The following COP1 variants were observed in gnomAD, a reference collection of about 807,000 sequenced individuals.
COP1 encodes COP1 E3 ubiquitin ligase, also known as E3 ubiquitin-protein ligase COP1.
A neutral mutation model predicts 101.3 loss-of-function variants in COP1; 24 were observed. The ratio of observed to expected loss-of-function variants is 0.24; its 90% CI spans 0.17 to 0.33. The LOEUF (loss-of-function observed/expected upper bound fraction) is 0.33, where lower values mean the gene tolerates loss of function less well. Ranked by LOEUF, COP1 falls within the 10% of genes least tolerant of loss-of-function variation. COP1 has a pLI of 1.00. For synonymous variants in COP1, 347 were observed against 341.9 expected (o/e 1.01, Z -0.17); for missense variants, 663 against 906.2 (o/e 0.73, Z 3.45).
chr1:176,169,600 TAC>T (rs1695729869), intron 3 of COP1, among the ~76,000 whole-genome samples: 1 of 152,222 alleles, frequency 6.6e-6, no homozygotes, highest in African/African-American at 2.4e-5. Context: ...TATTAATATA[TAC>T]GTTTATTAAA....
chr1:176,110,480 T>C (rs988702249), intron 9 of COP1, among the ~76,000 whole-genome samples: 18 of 152,214 alleles, frequency 1.2e-4, no homozygotes, highest in African/African-American at 3.1e-4. Context: ...TTCGTAGACA[T>C]ATCTCTGCTT....
intron 11 of COP1, among the ~76,000 whole-genome samples, chr1:176,063,099 C>G (rs1233524201): frequency 8.0e-6 from 1 of 124,914 alleles, no homozygotes; most frequent in Non-Finnish European, 1.6e-5. Context: ...GTCGCCCAGG[C>G]CGGACTGCGG....
chr1:176,151,668 A>G (rs1380133106), intron 5 of COP1, among the ~76,000 whole-genome samples: 2 of 152,254 alleles, frequency 1.3e-5, no homozygotes, highest in Non-Finnish European at 2.9e-5. Flanking sequence ...CTGCCTGATC[A>G]GAGCCTAATA....
intron 9 of COP1, among the ~76,000 whole-genome samples, chr1:176,096,873 C>T (rs1338530976): frequency 6.6e-6 from 1 of 152,190 alleles, no homozygotes; most frequent in Non-Finnish European, 1.5e-5. Flanking sequence ...CCTTCAGAGC[C>T]AGACCTGTAA....
chr1:176,030,181 T>C (rs554371023), intron 14 of COP1, among the ~76,000 whole-genome samples: 37 of 152,212 alleles, frequency 2.4e-4, no homozygotes, highest in Non-Finnish European at 5.1e-4. Flanking sequence ...ATTTGTTCCA[T>C]GTTATTCTCC....
At chr1:176,096,389 C>A (rs765209586) in intron 9 of COP1, among the ~76,000 whole-genome samples, 1 of 152,232 alleles carries the variant, frequency 6.6e-6, no homozygotes, top group Non-Finnish European at 1.5e-5. Flanking sequence ...CAGCTCCCCA[C>A]TCCCCTTACC....
chr1:176,062,781 C>T (rs903561106), intron 11 of COP1, among the ~76,000 whole-genome samples: 1 of 101,864 alleles, frequency 9.8e-6, no homozygotes, highest in African/African-American at 3.3e-5. Context: ...AATGAATAAA[C>T]TGTAGAATAT....
At chr1:176,025,414 T>C (rs1188291278) in intron 15 of COP1, among the ~76,000 whole-genome samples, 1 of 130,906 alleles carries the variant, frequency 7.6e-6, no homozygotes, top group East Asian at 2.2e-4. Flanking sequence ...GGTCCCAAGA[T>C]ACAAAACAAA....
At chr1:176,008,006 C>A (rs1319639082) in intron 15 of COP1, among the ~76,000 whole-genome samples, 1 of 152,150 alleles carries the variant, frequency 6.6e-6, no homozygotes, top group Non-Finnish European at 1.5e-5. Context: ...ACTCCGTGGG[C>A]GTAGGACCCT....
chr1:176,186,301 C>T (rs1698432936), intron 1 of COP1, among the ~76,000 whole-genome samples: 1 of 151,402 alleles, frequency 6.6e-6, no homozygotes, highest in African/African-American at 2.4e-5. Flanking sequence ...TTTAAAAAGG[C>T]ACTCTCACAG....
At chr1:176,042,727 T>A (rs1315101612) in intron 14 of COP1, among the ~76,000 whole-genome samples, 3 of 63,950 alleles carry the variant, frequency 4.7e-5, no homozygotes, top group African/African-American at 2.0e-4. Flanking sequence ...TGAAACTCTA[T>A]CTCAAAAAAA....
intron 9 of COP1, among the ~76,000 whole-genome samples, chr1:176,096,261 G>A (rs1682345385): frequency 1.3e-5 from 2 of 152,092 alleles, no homozygotes; most frequent in South Asian, 4.1e-4. Flanking sequence ...CCTATGGCAT[G>A]CCTCTTCTTT....
intron 5 of COP1, among the ~76,000 whole-genome samples, chr1:176,160,466 C>T (rs577536231): frequency 1.3e-5 from 2 of 151,982 alleles, no homozygotes; most frequent in Admixed American, 1.3e-4. Flanking sequence ...AAGAAACTAT[C>T]ATCACAGTGA....
rs180814338 is a variant in COP1 at position 175,989,124 on chromosome 1, G to T, written c.1847+238C>A. Reference sequence around the variant, plus strand: ...TAGGAGGATGAGATAAGGGGGGAGGGTATATAAAAAACTAGTATCTTCAGG... The same window carrying T: ...TAGGAGGATGAGATAAGGGGGGAGGTTATATAAAAAACTAGTATCTTCAGG... On this transcript the variant is annotated intron_variant, in intron 16 of 19. Transcript: ENST00000367669. 2.4e-5 allele frequency: 8 copies of T among 332,074 alleles called. No homozygotes were observed. In the East Asian group the frequency reaches 3.6e-4, roughly 15 times the overall value. 20.6% of individuals were successfully genotyped at this position (332,074 alleles called of 1,614,324 possible).
intron 15 of COP1, among the ~76,000 whole-genome samples, chr1:175,996,163 T>C (rs144362242): frequency 0.11 from 16,371 of 152,178 alleles, 971 homozygotes; most frequent in Middle Eastern, 0.16. Context: ...GTTACCTCAA[T>C]AGATGCAGAA....
chr1:176,205,545 G>A (rs186362456), intron 1 of COP1, among the ~76,000 whole-genome samples: 263 of 152,186 alleles, frequency 1.7e-3, no homozygotes, highest in African/African-American at 6.1e-3. Flanking sequence ...CTTCCTACAT[G>A]CCTAATATTT....
chr1:176,108,918 C>G (rs935409084), intron 9 of COP1, among the ~76,000 whole-genome samples: 17 of 151,986 alleles, frequency 1.1e-4, no homozygotes, highest in Non-Finnish European at 2.2e-4. Flanking sequence ...TCGAAACCAT[C>G]CTGTCCAACA....
intron 1 of COP1, among the ~76,000 whole-genome samples, chr1:176,205,701 C>A (rs533899837): frequency 6.6e-6 from 1 of 152,364 alleles, no homozygotes; most frequent in African/African-American, 2.4e-5. Flanking sequence ...ATCAACACCA[C>A]CTTTCACTTC....
intron 15 of COP1, among the ~76,000 whole-genome samples, chr1:176,007,897 G>GT (rs1252132431): frequency 6.6e-6 from 1 of 152,216 alleles, no homozygotes; most frequent in Non-Finnish European, 1.5e-5. Context: ...TGGCTGCTTT[G>GT]TTTACCTAAG....
Sources: allele counts gnomAD v4.1 joint callset (sites outside exome capture counted in the v4.1 genomes callset), GRCh38; gene constraint gnomAD v4.1.1; transcripts MANE v1.5; gene names NCBI Gene and HGNC (gene_info 2026-07-23, HGNC 2026-07-21).